PDE1C: variants seen among roughly 807,000 people sequenced by gnomAD.
The protein encoded by PDE1C is phosphodiesterase 1C.
A neutral mutation model predicts 93.1 loss-of-function variants in PDE1C; 62 were observed. The observed-to-expected ratio is 0.67, with a 90% CI of 0.54 to 0.82. The LOEUF (loss-of-function observed/expected upper bound fraction) is 0.82. Among genes scored for constraint, PDE1C ranks in the 40% least tolerant of loss-of-function variants. The probability of loss-of-function intolerance (pLI) is 0.00; values close to 1 mark genes in which losing one functional copy is unlikely to be tolerated. For synonymous variants in PDE1C, 325 were observed against 310.1 expected (o/e 1.05, Z -0.50); for missense variants, 742 against 884.6 (o/e 0.84, Z 2.04).
At chr7:31,637,697 T>C in the PDE1C span, among the ~76,000 whole-genome samples, 1 of 152,224 alleles carries the variant, frequency 6.6e-6, no homozygotes, top group South Asian at 2.1e-4. Flanking sequence ...GCTTGTTCAC[T>C]CTGATGGTAG....
rs531217834 is a variant in PDE1C at position 31,938,532 on chromosome 7, T to C, written c.129-57672A>G. ...ATATTTACTCTTAGAATACTTTCCT[T>C]TTAATCATGTATGCAATACTATAAG... is the stretch of plus-strand genomic sequence containing the variant. On this transcript the variant is annotated intron_variant, in intron 2 of 17. Coordinates refer to ENST00000396191, the MANE Select transcript of PDE1C (RefSeq NM_001191057.4). Among the ~76,000 whole-genome samples the C allele has an allele frequency of 5.8e-4, 88 of 152,288 alleles. 1 individual carries two copies. Among genetic ancestry groups the C allele is most frequent in the African/African-American group, 2.0e-3 (85 of 41,566 alleles).
At chr7:32,249,659 G>A (rs1206743923) in intron 1 of PDE1C, among the ~76,000 whole-genome samples, 1 of 152,122 alleles carries the variant, frequency 6.6e-6, no homozygotes, top group Non-Finnish European at 1.5e-5. Context: ...TTATTTTTAA[G>A]AACTAAATGC....
intron 2 of PDE1C, among the ~76,000 whole-genome samples, chr7:32,172,977 T>C (rs1281280160): frequency 6.6e-6 from 1 of 151,928 alleles, no homozygotes. Flanking sequence ...CAAACAGAAA[T>C]ATACCATTTG....
At chr7:31,900,737 G>A (rs1401313903) in intron 2 of PDE1C, among the ~76,000 whole-genome samples, 1 of 151,698 alleles carries the variant, frequency 6.6e-6, no homozygotes, top group Non-Finnish European at 1.5e-5. Flanking sequence ...TTGACTTCTT[G>A]AGTATCCTAG....
intron 3 of PDE1C, among the ~76,000 whole-genome samples, chr7:32,146,228 G>A (rs1330513530): frequency 6.6e-6 from 1 of 152,132 alleles, no homozygotes; most frequent in East Asian, 1.9e-4. Context: ...TGTGCTATTT[G>A]GGAGGAGTGT....
chr7:31,824,057 C>T (rs932780371), intron 13 of PDE1C, among the ~76,000 whole-genome samples: 1 of 152,072 alleles, frequency 6.6e-6, no homozygotes, highest in Non-Finnish European at 1.5e-5. Context: ...TCCCTGGGGT[C>T]CCCTGTCCTA....
intron 3 of PDE1C, among the ~76,000 whole-genome samples, chr7:32,096,007 C>T (rs934737570): frequency 7.2e-5 from 11 of 152,138 alleles, no homozygotes; most frequent in Admixed American, 5.2e-4. Context: ...ATGGCCTTTG[C>T]TCAAATAAGT....
intron 1 of PDE1C, among the ~76,000 whole-genome samples, chr7:32,363,631 T>C (rs1377072630): frequency 6.6e-6 from 1 of 152,264 alleles, no homozygotes; most frequent in African/African-American, 2.4e-5. Flanking sequence ...TGGATCAGAA[T>C]GATGCATAAA....
chr7:32,006,334 T>C (rs1584422582), intron 2 of PDE1C, among the ~76,000 whole-genome samples: 1 of 152,162 alleles, frequency 6.6e-6, no homozygotes, highest in Non-Finnish European at 1.5e-5. Flanking sequence ...CTGATCAATT[T>C]GAAAAAAAAT....
chr7:31,804,535 TA>T (rs1562829404), intron 16 of PDE1C, among the ~76,000 whole-genome samples: 1 of 151,882 alleles, frequency 6.6e-6, no homozygotes, highest in East Asian at 1.9e-4. Context: ...AACCTATATG[TA>T]TTACACACAC....
At chr7:32,138,281 T>G (rs907023938) in intron 3 of PDE1C, among the ~76,000 whole-genome samples, 1 of 152,164 alleles carries the variant, frequency 6.6e-6, no homozygotes, top group African/African-American at 2.4e-5. Flanking sequence ...TCTATTTTCT[T>G]GTCTAAAAAG....
chr7:32,062,722 C>A (rs924470356), intron 1 of PDE1C, among the ~76,000 whole-genome samples: 2 of 152,156 alleles, frequency 1.3e-5, no homozygotes, highest in Admixed American at 6.5e-5. Context: ...CTACTGTAGG[C>A]TGAACATCCC....
At chr7:32,105,716 T>C (rs951561172) in intron 3 of PDE1C, among the ~76,000 whole-genome samples, 5 of 151,078 alleles carry the variant, frequency 3.3e-5, no homozygotes, top group Admixed American at 1.3e-4. Flanking sequence ...TTTTTTTTTT[T>C]TGTATTTGCG....
chr7:32,065,542 T>C (rs115576900), intron 1 of PDE1C, among the ~76,000 whole-genome samples: 4 of 152,322 alleles, frequency 2.6e-5, no homozygotes, highest in African/African-American at 9.6e-5. Context: ...TCTCTGCCAC[T>C]AGCCTTCAAA....
At chr7:31,881,077 C>T (rs1230019471) in intron 2 of PDE1C, among the ~76,000 whole-genome samples, 1 of 152,212 alleles carries the variant, frequency 6.6e-6, no homozygotes, top group Non-Finnish European at 1.5e-5. Context: ...CAACCAGGCA[C>T]TGACCATACT....
intron 1 of PDE1C, among the ~76,000 whole-genome samples, chr7:32,336,364 A>G (rs1783625120): frequency 6.6e-6 from 1 of 152,166 alleles, no homozygotes; most frequent in Non-Finnish European, 1.5e-5. Context: ...ACTTTAATCC[A>G]TTAGAGAGAG....
At chr7:32,407,781 T>C (rs1045733685) in intron 1 of PDE1C, among the ~76,000 whole-genome samples, 6 of 152,176 alleles carry the variant, frequency 3.9e-5, no homozygotes, top group Admixed American at 1.3e-4. Flanking sequence ...GGAGCCTGGG[T>C]TGAGGATCCA....
intron 2 of PDE1C, among the ~76,000 whole-genome samples, chr7:31,978,388 G>A (rs1482341743): frequency 2.0e-5 from 3 of 152,156 alleles, no homozygotes; most frequent in Non-Finnish European, 4.4e-5. Flanking sequence ...AAATTAGAAA[G>A]CATTAAGCAG....
intron 1 of PDE1C, among the ~76,000 whole-genome samples, chr7:32,271,375 G>T (rs1193301064): frequency 6.6e-6 from 1 of 152,126 alleles, no homozygotes; most frequent in Non-Finnish European, 1.5e-5. Flanking sequence ...TTCATATGAA[G>T]ATGTAATGCC....
Sources: allele counts gnomAD v4.1 joint callset (sites outside exome capture counted in the v4.1 genomes callset), GRCh38; gene constraint gnomAD v4.1.1; transcripts MANE v1.5; gene names NCBI Gene and HGNC (gene_info 2026-07-23, HGNC 2026-07-21).